CDK19: variants seen among roughly 807,000 people sequenced by gnomAD.
CDK19 encodes the protein cyclin dependent kinase 19, also known as cyclin-dependent kinase 19.
Under a neutral mutation model 68.3 loss-of-function variants are expected in CDK19, and 20 were observed. The ratio of observed to expected loss-of-function variants is 0.29; its 90% confidence interval spans 0.21 to 0.43. CDK19 has a LOEUF of 0.43. Ranked by LOEUF, CDK19 falls within the 20% of genes least tolerant of loss-of-function variation. CDK19 has a pLI of 1.00. For missense variants in CDK19, 339 were observed against 623.5 expected (o/e 0.54, Z 4.86); for synonymous variants, 221 against 222.8 (o/e 0.99, Z 0.07).
intron 1 of CDK19, among the ~76,000 whole-genome samples, chr6:110,782,678 G>GA (rs373565403): frequency 2.3e-4 from 34 of 150,380 alleles, no homozygotes; most frequent in Non-Finnish European, 4.4e-4. Context: ...TTTACAATCA[G>GA]AAAAAAAAAT....
At chr6:110,756,333 T>C (rs1778833745) in intron 1 of CDK19, among the ~76,000 whole-genome samples, 1 of 150,666 alleles carries the variant, frequency 6.6e-6, no homozygotes, top group African/African-American at 2.4e-5. Context: ...GAGGTTGCAA[T>C]GAGCCGAGAT....
At chr6:110,654,516 T>A (rs997163079) in intron 4 of CDK19, among the ~76,000 whole-genome samples, 1 of 152,216 alleles carries the variant, frequency 6.6e-6, no homozygotes. Context: ...AGGTACATAC[T>A]GTGTTTAATA....
intron 2 of CDK19, among the ~76,000 whole-genome samples, chr6:110,699,171 T>A (rs1425027853): frequency 6.6e-6 from 1 of 151,936 alleles, no homozygotes; most frequent in Non-Finnish European, 1.5e-5. Flanking sequence ...ACACCTGTAA[T>A]CCCAGCACTC....
chr6:110,684,439 T>TG (rs113544460), intron 2 of CDK19, among the ~76,000 whole-genome samples: 32,380 of 105,008 alleles, frequency 0.31, 4,947 homozygotes, highest in East Asian at 0.71. Flanking sequence ...AATGGTGGGG[T>TG]GGGGGGTGGG....
Position 110,621,405 on chromosome 6 carries a change from C to G in CDK19, c.1111-35G>C, listed in dbSNP as rs1778708631. ...GGAAAAAAGCAAGCTTGGTATGAAA[C>G]CAAATTAACAGGAGCTTTCTTTAAT... is the stretch of plus-strand genomic sequence containing the variant. On this transcript the variant is annotated intron_variant, in intron 11 of 12. Coordinates refer to ENST00000368911, the MANE Select transcript of CDK19 (RefSeq NM_015076.5). This position sits in a 1 kb window ranked among gnomAD's most constrained non-coding sequence, Gnocchi z 5.4. The G allele has an allele frequency of 6.6e-7, 1 of 1,516,896 alleles. No individual in the cohort carries two copies. 94.0% of individuals were successfully genotyped at this position (1,516,896 alleles called of 1,614,324 possible). A position where few individuals can be genotyped will look rare whatever the true frequency, so the allele number is the denominator to read the frequency against.
At chr6:110,626,530 A>G (rs1442435462) in intron 8 of CDK19, among the ~76,000 whole-genome samples, 2 of 152,174 alleles carry the variant, frequency 1.3e-5, no homozygotes, top group Non-Finnish European at 2.9e-5. Context: ...GTAAAAGAGT[A>G]AAAGAGGCAT....
chr6:110,676,618 T>C (rs1771562238), intron 2 of CDK19, among the ~76,000 whole-genome samples: 1 of 152,214 alleles, frequency 6.6e-6, no homozygotes, highest in Non-Finnish European at 1.5e-5. Context: ...CCATCAATAC[T>C]GAGGCAAGAC....
At chr6:110,787,103 G>A (rs1781275869) in intron 1 of CDK19, among the ~76,000 whole-genome samples, 1 of 152,112 alleles carries the variant, frequency 6.6e-6, no homozygotes, top group African/African-American at 2.4e-5. Flanking sequence ...CAGGCGCGGT[G>A]GCTCACACCT....
At chr6:110,729,916 TATTTA>T (rs1776622807) in intron 2 of CDK19, among the ~76,000 whole-genome samples, 1 of 152,140 alleles carries the variant, frequency 6.6e-6, no homozygotes, top group Non-Finnish European at 1.5e-5. Flanking sequence ...AATTCAGTTT[TATTTA>T]ATTTGGAAAT....
At chr6:110,645,115 G>A (rs1024711356) in intron 4 of CDK19, among the ~76,000 whole-genome samples, 37 of 152,124 alleles carry the variant, frequency 2.4e-4, no homozygotes, top group Non-Finnish European at 4.0e-4. Context: ...ATGATCTAGA[G>A]AGCATATACA....
chr6:110,691,897 C>T (rs932862693), intron 2 of CDK19, among the ~76,000 whole-genome samples: 5 of 151,060 alleles, frequency 3.3e-5, no homozygotes, highest in African/African-American at 1.2e-4. Context: ...CCACCCGCCT[C>T]GGCCTCCCAA....
Position 110,610,126 on chromosome 6 carries a change from A to C in CDK19, c.*4409T>G, listed in dbSNP as rs2114516095. ...AAAGCAGTAGCTCGTCCTGCACTCC[A>C]TGGAGCAGGCCTCGCTGGGGTGCAG... is the stretch of plus-strand genomic sequence containing the variant. On this transcript the variant is annotated 3_prime_UTR_variant, in exon 13 of 13. Coordinates refer to ENST00000368911, the MANE Select transcript of CDK19 (RefSeq NM_015076.5). 1 of 152,348 alleles carries C rather than the reference A, an allele frequency of 6.6e-6. No individual in the cohort carries two copies. Among genetic ancestry groups the C allele is most frequent in the South Asian group, 2.1e-4 (1 of 4,832 alleles). The allele number at this position is 152,348 out of a possible 1,614,324, so 9.4% of individuals were successfully genotyped here. A position where few individuals can be genotyped will look rare whatever the true frequency, so the allele number is the denominator to read the frequency against.
intron 4 of CDK19, among the ~76,000 whole-genome samples, chr6:110,662,512 T>C (rs572334681): frequency 3.3e-5 from 5 of 152,314 alleles, no homozygotes; most frequent in Non-Finnish European, 7.3e-5. Flanking sequence ...CTATCATTGC[T>C]AAAGAATAAT....
chr6:110,658,729 G>A lies in CDK19; in HGVS notation c.456+8705C>T, dbSNP rs1015038146. ...ACTTTTTTTGTTTTAACACCAGGAG[G>A]CATATTTCACATATTTACACTAGAT... On this transcript the variant is annotated intron_variant, in intron 4 of 12. Coordinates refer to ENST00000368911, the MANE Select transcript of CDK19 (RefSeq NM_015076.5). 2.6e-5 allele frequency among the ~76,000 whole-genome samples: 4 copies of A among 152,096 alleles called. No individual in the cohort carries two copies. The East Asian group carries it at 7.7e-4, about 29-fold the overall frequency.
At chr6:110,657,893 C>T (rs947934312) in intron 4 of CDK19, among the ~76,000 whole-genome samples, 3 of 152,166 alleles carry the variant, frequency 2.0e-5, no homozygotes, top group Non-Finnish European at 4.4e-5. Context: ...TGTACCCTCT[C>T]ACTATGGAAT....
chr6:110,711,899 G>C (rs1310154611), intron 2 of CDK19, among the ~76,000 whole-genome samples: 1 of 152,232 alleles, frequency 6.6e-6, no homozygotes, highest in East Asian at 1.9e-4. Context: ...ACCCAGGCTG[G>C]GGGGCGGAGG....
At chr6:110,719,987 C>CA (rs1775733390) in intron 2 of CDK19, among the ~76,000 whole-genome samples, 1 of 85,048 alleles carries the variant, frequency 1.2e-5, no homozygotes, top group Non-Finnish European at 2.4e-5. Flanking sequence ...CCCCCCCCCA[C>CA]CCCCCCCCTG....
chr6:110,768,871 G>A (rs12208424), intron 1 of CDK19, among the ~76,000 whole-genome samples: 1 of 151,984 alleles, frequency 6.6e-6, no homozygotes, highest in African/African-American at 2.4e-5. Flanking sequence ...CCCAAATGAA[G>A]GCCAGGCATG....
intron 12 of CDK19, among the ~76,000 whole-genome samples, chr6:110,617,662 T>TATATACACACACAC (rs755618032): frequency 0.012 from 1,259 of 107,056 alleles, 15 homozygotes; most frequent in African/African-American, 0.019. Context: ...TATATATATA[T>TATATACACACACAC]ACACACACAC....
Sources: allele counts gnomAD v4.1 joint callset (sites outside exome capture counted in the v4.1 genomes callset), GRCh38; gene constraint gnomAD v4.1.1; non-coding constraint Gnocchi (gnomAD v3.1); transcripts MANE v1.5; gene names NCBI Gene and HGNC (gene_info 2026-07-23, HGNC 2026-07-21).